Variants in TENM1 observed in about 807,000 individuals in gnomAD.
TENM1 encodes the protein teneurin-1.
TENM1 carries 35 observed loss-of-function variants against 174.8 expected under a neutral mutation model. The observed-to-expected ratio is 0.20, with a 90% CI of 0.15 to 0.27. The LOEUF (loss-of-function observed/expected upper bound fraction) is 0.27. Among genes scored for constraint, TENM1 ranks in the 10% least tolerant of loss-of-function variants. TENM1 has a pLI of 1.00. For synonymous variants in TENM1, 781 were observed against 798.7 expected, an observed-to-expected ratio of 0.98 and a Z score of 0.37; for missense variants, 1,633 against 2,130.1, an observed-to-expected ratio of 0.77 and a Z score of 4.59.
the TENM1 span, among the ~76,000 whole-genome samples, chrX:125,015,566 C>T: frequency 1.3e-4 from 14 of 111,436 alleles, 1 homozygote; most frequent in Admixed American, 1.3e-3. Flanking sequence ...TTGGAAGAAT[C>T]GTTATTAACC....
chrX:125,155,924 C>T, the TENM1 span, among the ~76,000 whole-genome samples: 1 of 112,839 alleles, frequency 8.9e-6, no homozygotes, highest in African/African-American at 3.2e-5. Flanking sequence ...CAGCGGCGGG[C>T]TGAAGGGCTC....
intron 16 of TENM1, among the ~76,000 whole-genome samples, chrX:124,527,271 T>C (rs1369565349): frequency 8.9e-6 from 1 of 112,023 alleles, no homozygotes; most frequent in Non-Finnish European, 1.9e-5. Context: ...CTCTTCATAC[T>C]TTTAAAGGGC....
rs186470861 is a variant in TENM1, at chrX:124,943,218, G to A, written c.217+20319C>T. 8.1e-5 allele frequency among the ~76,000 whole-genome samples: 9 copies of A among 111,343 alleles called. No homozygotes were observed. The East Asian group carries it at 2.6e-3, about 32-fold the overall frequency. On this transcript the variant is annotated intron_variant, in intron 1 of 31. Coordinates refer to ENST00000422452, the Ensembl canonical transcript of TENM1. The stretch of plus-strand genomic sequence containing the variant: ...AGCATGAGTTTTGACCCAGTGATAT[G>A]ATCTTTCTAGTAGACCACATAGTAG...
the TENM1 span, among the ~76,000 whole-genome samples, chrX:125,165,323 CCT>C: frequency 9.9e-5 from 11 of 111,607 alleles, no homozygotes; most frequent in African/African-American, 3.6e-4. Flanking sequence ...CCACTATACC[CCT>C]GATTCAAAAC....
intron 1 of TENM1, among the ~76,000 whole-genome samples, chrX:124,962,704 G>A (rs2058672726): frequency 9.1e-6 from 1 of 110,479 alleles, no homozygotes; most frequent in Non-Finnish European, 1.9e-5. Flanking sequence ...TGTAATCCCA[G>A]CTACTCAGGT....
At chrX:124,686,074 A>C (rs2148462037) in intron 5 of TENM1, among the ~76,000 whole-genome samples, 1 of 109,767 alleles carries the variant, frequency 9.1e-6, no homozygotes, top group South Asian at 3.8e-4. Context: ...CACACAAGTT[A>C]ACAACAAAAG....
the TENM1 span, among the ~76,000 whole-genome samples, chrX:125,191,521 G>A: frequency 9.0e-6 from 1 of 111,511 alleles, no homozygotes; most frequent in East Asian, 2.8e-4. Context: ...GATGGTCAGA[G>A]TAGGCCACTA....
chrX:124,981,086 A>T, the TENM1 span, among the ~76,000 whole-genome samples: 4 of 111,736 alleles, frequency 3.6e-5, no homozygotes, highest in Non-Finnish European at 1.9e-5. Flanking sequence ...TTTTTCCAAT[A>T]TTGAACTTTC....
intron 1 of TENM1, among the ~76,000 whole-genome samples, chrX:124,900,189 C>A (rs1322457926): frequency 2.7e-5 from 3 of 112,268 alleles, no homozygotes; most frequent in Non-Finnish European, 5.6e-5. Flanking sequence ...GGTATATTTA[C>A]ATAATGGAAT....
At chrX:125,147,787 A>G in the TENM1 span, among the ~76,000 whole-genome samples, 3 of 111,752 alleles carry the variant, frequency 2.7e-5, no homozygotes, top group Admixed American at 9.5e-5. Context: ...GCCAAGAGCA[A>G]GAGAAAACCC....
At chrX:124,634,693 A>G (rs2050837891) in intron 11 of TENM1, among the ~76,000 whole-genome samples, 1 of 112,249 alleles carries the variant, frequency 8.9e-6, no homozygotes, top group African/African-American at 3.2e-5. Context: ...GATGCATTAC[A>G]TGTGCTAGAC....
At chrX:124,885,795 A>G (rs770792708) in intron 3 of TENM1, among the ~76,000 whole-genome samples, 3 of 111,521 alleles carry the variant, frequency 2.7e-5, no homozygotes, top group Non-Finnish European at 3.8e-5. Context: ...GAAGTAGCCA[A>G]GATGATTCCC....
chrX:125,113,738 C>T, the TENM1 span, among the ~76,000 whole-genome samples: 2 of 111,086 alleles, frequency 1.8e-5, no homozygotes, highest in Admixed American at 9.6e-5. Context: ...GCACCCAATA[C>T]AGAAGCACCC....
chrX:124,806,045 A>C (rs752896249), intron 3 of TENM1, among the ~76,000 whole-genome samples: 1 of 112,069 alleles, frequency 8.9e-6, no homozygotes, highest in East Asian at 2.8e-4. Flanking sequence ...GCTCAGCCAC[A>C]TTAAAAAAAT....
chrX:124,885,292 A>G (rs1319572556), intron 3 of TENM1, among the ~76,000 whole-genome samples: 1 of 110,416 alleles, frequency 9.1e-6, no homozygotes, highest in Non-Finnish European at 1.9e-5. Context: ...TAATTTGATA[A>G]TATATATCTT....
intron 16 of TENM1, among the ~76,000 whole-genome samples, chrX:124,526,327 T>C (rs1447703380): frequency 8.9e-6 from 1 of 112,053 alleles, no homozygotes; most frequent in African/African-American, 3.2e-5. Flanking sequence ...CACAATCTTA[T>C]AAGCAAATTC....
the TENM1 span, among the ~76,000 whole-genome samples, chrX:125,074,972 T>C: frequency 3.4e-4 from 38 of 112,091 alleles, 1 homozygote; most frequent in South Asian, 3.0e-3. Flanking sequence ...TACAGCTTTA[T>C]TGAAATATAA....
intron 25 of TENM1, among the ~76,000 whole-genome samples, chrX:124,416,002 T>C (rs2060589769): frequency 8.9e-6 from 1 of 111,933 alleles, no homozygotes; most frequent in Non-Finnish European, 1.9e-5. Flanking sequence ...CCTCCAGCTC[T>C]AATTTCTCTG....
rs1410595460 is a variant in TENM1 at position 124,705,047 on chromosome X, T to C, written c.981A>G (p.Thr327=). 2 of 1,210,674 alleles carry C rather than the reference T, an allele frequency of 1.7e-6. No homozygotes were observed. Among genetic ancestry groups the C allele is most frequent in the Admixed American group, 2.2e-5 (1 of 45,960 alleles). ...AGGCTAGTAACAAGGCCAAAGTCAC[T>C]GTGATTGCAGTGGCGCTCAATGCTG... Residue 327 remains threonine, a synonymous_variant, in exon 5 of 32, where the codon ACA becomes ACG. Coordinates refer to ENST00000422452, the Ensembl canonical transcript of TENM1.
Sources: allele counts gnomAD v4.1 joint callset (sites outside exome capture counted in the v4.1 genomes callset), GRCh38; gene constraint gnomAD v4.1.1; transcripts MANE v1.5; gene names NCBI Gene and HGNC (gene_info 2026-07-23, HGNC 2026-07-21).